NEBL: variants seen among roughly 807,000 people sequenced by gnomAD.
NEBL encodes the protein LIM and SH3 protein 2.
In NEBL, 122 loss-of-function variants were observed where a neutral mutation model predicts 140.2. The observed-to-expected ratio is 0.87, with a 90% confidence interval of 0.75 to 1.01. The LOEUF is 1.01. Ranked by LOEUF, NEBL falls within the 50% of genes least tolerant of loss-of-function variation. NEBL has a pLI of 0.00. For synonymous variants in NEBL, 436 were observed against 398.9 expected (o/e 1.09, Z -1.11); for missense variants, 1,365 against 1,231.3 (o/e 1.11, Z -1.62).
chr10:20,951,141 C>T (rs1835442095), intron 4 of NEBL, among the ~76,000 whole-genome samples: 2 of 152,042 alleles, frequency 1.3e-5, no homozygotes, highest in Non-Finnish European at 2.9e-5. Context: ...GACTTTGTTA[C>T]AATTGATATA....
At chr10:20,859,624 C>G in intron 8 of NEBL, 89 bp downstream of exon 8, 1 of 786,964 alleles carries the variant, frequency 1.3e-6, no homozygotes, top group Non-Finnish European at 2.1e-6. Context: ...TACTTGGAAG[C>G]TAAGTATCAG....
At chr10:21,028,065 A>G (rs1833588905) in intron 2 of NEBL, among the ~76,000 whole-genome samples, 2 of 151,598 alleles carry the variant, frequency 1.3e-5, no homozygotes, top group Admixed American at 1.3e-4. Context: ...TGTCTCTACT[A>G]AAAATACAAA....
chr10:21,201,390 A>G (rs75137539), intron 3 of NEBL, among the ~76,000 whole-genome samples: 277 of 152,318 alleles, frequency 1.8e-3, no homozygotes, highest in African/African-American at 6.3e-3. Context: ...GCCTAACATA[A>G]AAAGAATCTT....
intron 1 of NEBL, among the ~76,000 whole-genome samples, chr10:21,275,807 A>ATTTTTTTT (rs959684198): frequency 3.9e-4 from 44 of 113,792 alleles, no homozygotes; most frequent in Non-Finnish European, 5.0e-4. Flanking sequence ...CACCCAGCTA[A>ATTTTTTTT]TTTTTTTTTT....
At chr10:21,226,892 T>C (rs1842158554) in intron 3 of NEBL, among the ~76,000 whole-genome samples, 1 of 152,160 alleles carries the variant, frequency 6.6e-6, no homozygotes, top group South Asian at 2.1e-4. Context: ...AGTGTTCAAT[T>C]TGGTGCTCCC....
upstream of NEBL, chr10:20,897,351 A>C: frequency 6.9e-7 from 1 of 1,456,382 alleles, no homozygotes; most frequent in Non-Finnish European, 9.0e-7. Flanking sequence ...CCCACACTTC[A>C]CTCCTTATCT....
chr10:20,812,500 G>C (rs1838258859), intron 24 of NEBL, among the ~76,000 whole-genome samples: 1 of 138,480 alleles, frequency 7.2e-6, no homozygotes, highest in Non-Finnish European at 1.5e-5. Context: ...GCCCTGGTGT[G>C]TGATACAAGG....
At chr10:21,080,898 G>C (rs533623196) in intron 2 of NEBL, among the ~76,000 whole-genome samples, 19 of 152,180 alleles carry the variant, frequency 1.2e-4, no homozygotes, top group South Asian at 1.2e-3. Context: ...CTCTCGCCCA[G>C]GCTGGAGTGT....
intron 3 of NEBL, among the ~76,000 whole-genome samples, chr10:20,969,273 G>C (rs1200603499): frequency 1.3e-5 from 2 of 151,332 alleles, no homozygotes; most frequent in African/African-American, 4.9e-5. Context: ...TAAATCTATG[G>C]TTAATTAAAT....
intron 8 of NEBL, among the ~76,000 whole-genome samples, chr10:20,859,145 C>T (rs1843405221): frequency 6.6e-6 from 1 of 152,172 alleles, no homozygotes; most frequent in African/African-American, 2.4e-5. Flanking sequence ...TTTGATGTTG[C>T]TGTTTTTATA....
intron 2 of NEBL, among the ~76,000 whole-genome samples, chr10:21,078,738 T>G (rs1033939184): frequency 6.6e-6 from 1 of 152,330 alleles, no homozygotes; most frequent in Admixed American, 6.5e-5. Context: ...TCTCTCTATA[T>G]CCACCCTAGG....
At chr10:21,052,648 G>T (rs1834828532) in intron 2 of NEBL, among the ~76,000 whole-genome samples, 1 of 152,188 alleles carries the variant, frequency 6.6e-6, no homozygotes, top group African/African-American at 2.4e-5. Flanking sequence ...AGATTAAATG[G>T]CATGATCTTG....
At chr10:20,968,917 T>G (rs1231259338) in intron 3 of NEBL, among the ~76,000 whole-genome samples, 1 of 152,210 alleles carries the variant, frequency 6.6e-6, no homozygotes, top group Non-Finnish European at 1.5e-5. Context: ...AGTTCTTGTA[T>G]AGTTCATCAT....
chr10:21,125,752 G>T, intron 2 of NEBL: 1 of 1,180,296 alleles, frequency 8.5e-7, no homozygotes, highest in Middle Eastern at 2.0e-4. Flanking sequence ...GGGCACGGAT[G>T]GAAACAGAAC....
intron 2 of NEBL, among the ~76,000 whole-genome samples, chr10:21,042,720 A>C (rs1187231460): frequency 6.6e-6 from 1 of 152,170 alleles, no homozygotes; most frequent in Non-Finnish European, 1.5e-5. Context: ...TTGTTCTCTG[A>C]GAGAGCTGGT....
intron 4 of NEBL, among the ~76,000 whole-genome samples, chr10:20,930,608 A>G (rs191754500): frequency 6.6e-6 from 1 of 152,280 alleles, no homozygotes; most frequent in Admixed American, 6.5e-5. Context: ...CCTTTTGCTC[A>G]GTCCAGCTTT....
chr10:21,023,929 A>G (rs957178785), intron 2 of NEBL, among the ~76,000 whole-genome samples: 1 of 152,168 alleles, frequency 6.6e-6, no homozygotes, highest in Non-Finnish European at 1.5e-5. Flanking sequence ...CAGGAAAATA[A>G]TTGAATTGTT....
At chr10:21,156,829 C>T (rs1383380579) in intron 2 of NEBL, among the ~76,000 whole-genome samples, 1 of 152,158 alleles carries the variant, frequency 6.6e-6, no homozygotes, top group African/African-American at 2.4e-5. Flanking sequence ...TAAATCTTCA[C>T]ACTAGAATCT....
chr10:21,243,343 G>C (rs1047440784), intron 3 of NEBL, among the ~76,000 whole-genome samples: 1 of 140,498 alleles, frequency 7.1e-6, no homozygotes, highest in South Asian at 2.2e-4. Flanking sequence ...GTTGCATGCT[G>C]TCGCCTAGAC....
Sources: gnomAD v4.1 joint callset for allele counts (sites outside exome capture counted in the v4.1 genomes callset) on GRCh38, gnomAD v4.1.1 for gene constraint, MANE v1.5 for transcripts, NCBI Gene and HGNC (gene_info 2026-07-23, HGNC 2026-07-21) for gene names.